GLI3: variants seen among roughly 807,000 people sequenced by gnomAD.
GLI3 encodes the protein GLI family zinc finger 3.
Under a neutral mutation model 100.8 loss-of-function variants are expected in GLI3, and 20 were observed. The observed-to-expected ratio is 0.20, with a 90% confidence interval of 0.14 to 0.29. GLI3 has a LOEUF of 0.29. Among genes scored for constraint, GLI3 ranks in the 10% least tolerant of loss-of-function variants. GLI3 has a pLI of 1.00. For missense variants in GLI3, 2,040 were observed against 2,128.5 expected (o/e 0.96, Z 0.82); for synonymous variants, 938 against 860.5 (o/e 1.09, Z -1.58).
At chr7:42,142,293 A>G (rs1488406463) in intron 3 of GLI3, among the ~76,000 whole-genome samples, 1 of 152,150 alleles carries the variant, frequency 6.6e-6, no homozygotes, top group African/African-American at 2.4e-5. Flanking sequence ...CCAGCACCAG[A>G]GCAGTGGCCA....
chr7:42,054,478 T>A (rs1406430382), intron 4 of GLI3, among the ~76,000 whole-genome samples: 2 of 152,208 alleles, frequency 1.3e-5, no homozygotes, highest in East Asian at 3.9e-4. Context: ...CATCTCTGCA[T>A]GACTGCTCCA....
At chr7:42,141,500 C>T (rs556990326) in intron 3 of GLI3, among the ~76,000 whole-genome samples, 13 of 152,074 alleles carry the variant, frequency 8.5e-5, no homozygotes, top group African/African-American at 2.4e-4. Flanking sequence ...GGCGAAACCC[C>T]GTGTCTACTA....
intron 10 of GLI3, among the ~76,000 whole-genome samples, chr7:41,987,095 G>GAC (rs1323125464): frequency 2.0e-4 from 15 of 73,324 alleles, no homozygotes; most frequent in African/African-American, 7.8e-4. Flanking sequence ...CACAGACACA[G>GAC]ACACAGACAC....
chr7:42,143,983 C>A (rs1358060267), intron 3 of GLI3, among the ~76,000 whole-genome samples: 1 of 152,120 alleles, frequency 6.6e-6, no homozygotes, highest in Non-Finnish European at 1.5e-5. Flanking sequence ...AAACTTTGCA[C>A]AAAGATCCCT....
intron 10 of GLI3, among the ~76,000 whole-genome samples, chr7:42,004,095 T>G (rs959060121): frequency 5.3e-5 from 8 of 152,154 alleles, no homozygotes; most frequent in Admixed American, 5.2e-4. Flanking sequence ...TTAGAAAATT[T>G]AGGAGGAGAA....
intron 10 of GLI3, among the ~76,000 whole-genome samples, chr7:41,984,734 C>T (rs1268958507): frequency 6.6e-6 from 1 of 152,204 alleles, no homozygotes; most frequent in Non-Finnish European, 1.5e-5. Context: ...CACCAGTTTC[C>T]AGACAGCTCC....
At chr7:42,250,684 T>C (rs1389587703) in intron 1 of GLI3, among the ~76,000 whole-genome samples, 1 of 152,112 alleles carries the variant, frequency 6.6e-6, no homozygotes, top group East Asian at 1.9e-4. Context: ...AACCTTACTC[T>C]GAGTCACCAA....
intron 7 of GLI3, among the ~76,000 whole-genome samples, chr7:42,038,928 C>T (rs910855289): frequency 5.3e-5 from 8 of 152,232 alleles, no homozygotes; most frequent in South Asian, 2.1e-4. Context: ...GAACAACTAA[C>T]GCTACCGCTC....
chr7:42,121,247 G>A (rs1178499619), intron 3 of GLI3, among the ~76,000 whole-genome samples: 1 of 152,206 alleles, frequency 6.6e-6, no homozygotes, highest in Non-Finnish European at 1.5e-5. Context: ...TGCCTAAAGA[G>A]CTTGTTAACA....
chr7:42,181,823 T>C (rs974891489), intron 2 of GLI3, among the ~76,000 whole-genome samples: 1 of 152,166 alleles, frequency 6.6e-6, no homozygotes, highest in Non-Finnish European at 1.5e-5. Flanking sequence ...CAAGGTCTCA[T>C]ACATCTTGGT....
At chr7:42,024,982 G>A (rs1253181752) in intron 9 of GLI3, among the ~76,000 whole-genome samples, 4 of 152,138 alleles carry the variant, frequency 2.6e-5, no homozygotes, top group South Asian at 2.1e-4. Flanking sequence ...TTTCCTCTAC[G>A]AACTACAGTT....
chr7:41,968,472 G>T (rs775349535), intron 13 of GLI3, among the ~76,000 whole-genome samples: 26 of 152,000 alleles, frequency 1.7e-4, no homozygotes, highest in African/African-American at 6.3e-4. Context: ...AAACATAAAT[G>T]TAAGATATGC....
At chr7:42,046,382 C>T (rs1421526635) in intron 5 of GLI3, among the ~76,000 whole-genome samples, 1 of 152,158 alleles carries the variant, frequency 6.6e-6, no homozygotes, top group Non-Finnish European at 1.5e-5. Flanking sequence ...GAAATACCAG[C>T]ACTCTAGTGA....
At chr7:42,152,848 G>A (rs1786906074) in intron 2 of GLI3, among the ~76,000 whole-genome samples, 1 of 152,158 alleles carries the variant, frequency 6.6e-6, no homozygotes, top group Non-Finnish European at 1.5e-5. Context: ...GATTGTACAG[G>A]AATGCATATT....
chr7:42,163,698 G>A (rs976904741), intron 2 of GLI3, among the ~76,000 whole-genome samples: 1 of 152,138 alleles, frequency 6.6e-6, no homozygotes, highest in Admixed American at 6.5e-5. Context: ...CCAAAGTGCT[G>A]GGATTACAGG....
Position 42,048,602 on chromosome 7 carries a change from A to G in GLI3, c.568T>C (p.Phe190Leu). 6.2e-7 allele frequency: 1 copy of G among 1,611,786 alleles called. No homozygotes were observed. Among genetic ancestry groups the G allele is most frequent in the Non-Finnish European group, 8.5e-7 (1 of 1,179,150 alleles). Residue 190 changes from phenylalanine (F) to leucine (L), a missense_variant, in exon 5 of 15, where the codon TTC becomes CTC. Phe to Leu is a conservative substitution (Grantham distance 22). Transcript: ENST00000395925. ...RNPTAASESP[F>L]SPPHPYINPY... ...TTAATGTAGGGATGTGGAGGGCTGA[A>G]GGGAGACTCGGAAGCAGCAGTGGGG...
chr7:42,065,506 T>A (rs1784656796), intron 4 of GLI3, among the ~76,000 whole-genome samples: 1 of 152,090 alleles, frequency 6.6e-6, no homozygotes, highest in Non-Finnish European at 1.5e-5. Flanking sequence ...GTTAATAGAG[T>A]TAAAAACATA....
chr7:42,048,345 C>T (rs1025281254), intron 5 of GLI3, 146 bp downstream of exon 5: 42 of 708,590 alleles, frequency 5.9e-5, no homozygotes, highest in Non-Finnish European at 7.8e-5. Context: ...AAAACTGAAA[C>T]GCAATCATGC....
intron 1 of GLI3, among the ~76,000 whole-genome samples, chr7:42,231,942 A>G (rs1788703129): frequency 1.3e-5 from 2 of 152,170 alleles, no homozygotes; most frequent in South Asian, 2.1e-4. Flanking sequence ...AAATTTCCAC[A>G]TGAAAATAAG....
Sources: gnomAD v4.1 joint callset for allele counts (sites outside exome capture counted in the v4.1 genomes callset) on GRCh38, gnomAD v4.1.1 for gene constraint, MANE v1.5 for transcripts, NCBI Gene and HGNC (gene_info 2026-07-23, HGNC 2026-07-21) for gene names.